KRT82: variants seen among roughly 807,000 people sequenced by gnomAD.
KRT82 encodes the protein keratin 82, also known as keratin, type II cuticular Hb2.
A neutral mutation model predicts 48.0 loss-of-function variants in KRT82; 44 were observed. The ratio of observed to expected loss-of-function variants is 0.92; its 90% CI spans 0.72 to 1.18. The LOEUF (loss-of-function observed/expected upper bound fraction) is 1.18. Ranked by LOEUF, KRT82 falls within the 50% of genes most tolerant of loss-of-function variation. The pLI, the probability that KRT82 is intolerant of heterozygous loss-of-function variation, is 0.00. For synonymous variants in KRT82, 297 were observed against 278.3 expected (o/e 1.07, Z -0.67); for missense variants, 701 against 671.4 (o/e 1.04, Z -0.49).
At position 52,405,971 on chromosome 12, in the gene KRT82, C is replaced by T. The variant is rs142612192; in HGVS notation, c.307G>A (p.Val103Ile). The T allele has an allele frequency of 6.2e-7, 1 of 1,614,120 alleles. No homozygotes were observed. The highest frequency in any genetic ancestry group is 8.5e-7 in the Non-Finnish European group (1 of 1,180,040). ...GGGTCTATCTCCAGTGCCAGTGGGACCAGCAGGCTCTCATTGATGGTGACA... is the reference window on the plus strand; with the variant it reads ...GGGTCTATCTCCAGTGCCAGTGGGATCAGCAGGCTCTCATTGATGGTGACA... ...TPVTINESLLVPLALEIDPTV... is the reference protein window; with the variant it reads ...TPVTINESLLIPLALEIDPTV... The change falls in exon 1 of 9, where the codon GTC becomes ATC. Residue 103 changes from valine (V) to isoleucine (I), a missense_variant. Transcript: ENST00000257974.
chr12:52,397,418 A>T (rs1045106457), intron 5 of KRT82, among the ~76,000 whole-genome samples: 3 of 152,172 alleles, frequency 2.0e-5, no homozygotes, highest in African/African-American at 7.2e-5. Flanking sequence ...GCCCATTAGG[A>T]TGGGTCTGCC....
Position 52,406,081 on chromosome 12 carries a change from C to G in KRT82, c.197G>C (p.Arg66Pro). Reference protein sequence around the residue: ...SLCNVGFGRPRVASRCGGTLP... With the variant: ...SLCNVGFGRPPVASRCGGTLP... ...GGTACCTCCACACCTGGAGGCTACC[C>G]GGGGCCTCCCAAAGCCCACGTTGCA... is the stretch of plus-strand genomic sequence containing the variant. The change falls in exon 1 of 9, where the codon CGG (arginine) becomes CCG (proline). Residue 66 changes from arginine to proline, a missense_variant. Arg to Pro is a moderately radical substitution (Grantham distance 103). Coordinates refer to ENST00000257974, the MANE Select transcript of KRT82 (RefSeq NM_033033.4). 1.9e-6 allele frequency: 3 copies of G among 1,613,562 alleles called. No homozygotes were observed. The highest frequency in any genetic ancestry group is 2.5e-6 in the Non-Finnish European group (3 of 1,179,860).
chr12:52,398,185 C>T (rs1939739068), intron 5 of KRT82, among the ~76,000 whole-genome samples: 1 of 152,220 alleles, frequency 6.6e-6, no homozygotes, highest in South Asian at 2.1e-4. Context: ...TCAATGAGAT[C>T]TATGACCATG....
At chr12:52,399,473 G>C (rs1939757556) in intron 5 of KRT82, among the ~76,000 whole-genome samples, 1 of 152,206 alleles carries the variant, frequency 6.6e-6, no homozygotes, top group African/African-American at 2.4e-5. Flanking sequence ...GAGAGGCTGA[G>C]ATGATGATAT....
chr12:52,395,409 A>G (rs1939699568), intron 8 of KRT82, among the ~76,000 whole-genome samples: 1 of 152,140 alleles, frequency 6.6e-6, no homozygotes, highest in Non-Finnish European at 1.5e-5. Context: ...GAGCCTGGGC[A>G]AGGCCAGGCT....
At chr12:52,401,004 C>A (rs1233348065) in intron 3 of KRT82, among the ~76,000 whole-genome samples, 1 of 152,216 alleles carries the variant, frequency 6.6e-6, no homozygotes. Context: ...TCTCCAGCTG[C>A]TCGGGCAGGG....
chr12:52,394,911 G>T lies in KRT82; in HGVS notation c.*64C>A. On this transcript the variant is annotated 3_prime_UTR_variant, in exon 9 of 9. Coordinates refer to ENST00000257974, the MANE Select transcript of KRT82 (RefSeq NM_033033.4). ...TTGGAACATCCTTGTCTTCAGCCCT[G>T]GTGGGAGTGTGACATCCAGGGCCAT... The T allele has an allele frequency of 7.3e-7, 1 of 1,370,622 alleles. No individual in the cohort carries two copies. Among genetic ancestry groups the T allele is most frequent in the Non-Finnish European group, 1.0e-6 (1 of 961,544 alleles). The allele number at this position is 1,370,622 out of a possible 1,614,324, so 84.9% of individuals were successfully genotyped here. A position where few individuals can be genotyped will look rare whatever the true frequency, so the allele number is the denominator to read the frequency against.
intron 5 of KRT82, among the ~76,000 whole-genome samples, chr12:52,398,525 C>CAA (rs1939743494): frequency 1.3e-5 from 2 of 150,220 alleles, no homozygotes; most frequent in South Asian, 4.2e-4. Flanking sequence ...TAGCCAAATG[C>CAA]AATCTTCAAC....
chr12:52,403,594 G>T (rs1228459177), intron 2 of KRT82, 107 bp downstream of exon 2: 2 of 751,170 alleles, frequency 2.7e-6, no homozygotes, highest in Admixed American at 4.4e-5. Context: ...CTGCCACCCA[G>T]TGAACTAAGT....
At chr12:52,404,219 GA>G (rs1386735724) in intron 1 of KRT82, among the ~76,000 whole-genome samples, 2 of 152,130 alleles carry the variant, frequency 1.3e-5, no homozygotes, top group African/African-American at 4.8e-5. Flanking sequence ...CTATCCTCGT[GA>G]CCTTGACCAA....
In KRT82 at chr12:52,406,079, C is replaced by G. The variant is rs1344384973; in HGVS notation, c.199G>C (p.Val67Leu). 2.5e-6 allele frequency: 4 copies of G among 1,613,578 alleles called. No individual in the cohort carries two copies. The highest frequency in any genetic ancestry group is 3.4e-6 in the Non-Finnish European group (4 of 1,179,870). Residue 67 changes from valine to leucine, a missense_variant, in exon 1 of 9, where the codon GTA (valine) becomes CTA (leucine). Val to Leu is a conservative substitution (Grantham distance 32, BLOSUM62 1). Coordinates refer to ENST00000257974, the MANE Select transcript of KRT82 (RefSeq NM_033033.4). ...LCNVGFGRPRVASRCGGTLPG... is the reference protein window; with the variant it reads ...LCNVGFGRPRLASRCGGTLPG... ...AGGGTACCTCCACACCTGGAGGCTA[C>G]CCGGGGCCTCCCAAAGCCCACGTTG...
rs1939853582 is a variant in KRT82, at chr12:52,406,197, C to A, written c.81G>T (p.Met27Ile). 6.8e-6 allele frequency: 11 copies of A among 1,613,552 alleles called. No homozygotes were observed. Among genetic ancestry groups the A allele is most frequent in the Non-Finnish European group, 9.3e-6 (11 of 1,179,898 alleles). Residue 27 changes from methionine to isoleucine, a missense_variant, in exon 1 of 9, where the codon ATG becomes ATT. By Grantham distance (10) the Met-to-Ile change is conservative. Transcript: ENST00000257974. ...FSSYSAVMPRMVTHYAVSKGP... is the reference protein window; with the variant it reads ...FSSYSAVMPRIVTHYAVSKGP... ...CCTTGCTCACTGCATAGTGGGTGAC[C>A]ATCCGGGGCATGACAGCCGAGTATG...
At chr12:52,404,588 C>T (rs980323498) in intron 1 of KRT82, among the ~76,000 whole-genome samples, 10 of 152,168 alleles carry the variant, frequency 6.6e-5, no homozygotes, top group African/African-American at 2.4e-4. Context: ...ACGTGGTCTC[C>T]AGCCCTTGCT....
Position 52,403,724 on chromosome 12 carries a change from A to G in KRT82, c.597T>C (p.Ala199=), listed in dbSNP as rs1407714931. Residue 199 remains alanine (A), a synonymous_variant, in exon 2 of 9, where the codon GCT becomes GCC. Transcript: ENST00000257974. ...RLESELCSLQ[A]ALEGYKKKYE... is the part of the protein sequence containing the mutation. ...ACTTTTTCTTGTAGCCCTCCAGTGCAGCCTGGAGGCTGCAGAGCTCTGACT... is the reference window on the plus strand; with the variant it reads ...ACTTTTTCTTGTAGCCCTCCAGTGCGGCCTGGAGGCTGCAGAGCTCTGACT... The G allele has an allele frequency of 1.9e-6, 3 of 1,611,302 alleles. No individual in the cohort carries two copies. Among genetic ancestry groups the G allele is most frequent in the Non-Finnish European group, 2.5e-6 (3 of 1,178,124 alleles).
intron 3 of KRT82, 49 bp downstream of exon 3, chr12:52,401,240 G>A: frequency 6.6e-7 from 1 of 1,517,938 alleles, no homozygotes; most frequent in Non-Finnish European, 9.1e-7. Context: ...GTGGCCTGGG[G>A]CAACGCAGGC....
rs199962515 is a variant in KRT82 at position 52,403,788 on chromosome 12, C to T, written c.533G>A (p.Arg178Gln). 55 of 1,613,494 alleles carry T rather than the reference C, an allele frequency of 3.4e-5. No individual in the cohort carries two copies. The highest frequency in any genetic ancestry group is 4.1e-5 in the Non-Finnish European group (48 of 1,180,008). ...IFEGYISALR[R>Q]QLDCVSGDRV... Reference sequence around the variant, plus strand: ...GTCCCCGGACACACAGTCCAGCTGCCGCCGAAGGGCGCTGATATAGCCCTC... The same window carrying T: ...GTCCCCGGACACACAGTCCAGCTGCTGCCGAAGGGCGCTGATATAGCCCTC... The change falls in exon 2 of 9, where the codon CGG becomes CAG. Residue 178 changes from arginine to glutamine, a missense_variant. Transcript: ENST00000257974.
Position 52,406,301 on chromosome 12 carries a change from TG to T in KRT82, c.-25del. 6.4e-7 allele frequency: 1 copy of T among 1,550,540 alleles called. No individual in the cohort carries two copies. Among genetic ancestry groups the T allele is most frequent in the East Asian group, 2.3e-5 (1 of 44,118 alleles). On this transcript the variant is annotated 5_prime_UTR_variant, in exon 1 of 9. Coordinates refer to ENST00000257974, the MANE Select transcript of KRT82 (RefSeq NM_033033.4). ...ATGGCAGGAGAGAGAGGCAGAGAAA[TG>T]CGGCCCTGGAGGAAAGAACCGGGGC...
rs1939779180 is a variant in KRT82, at chr12:52,400,770, C to G, written c.682-148G>C. ...GAGCCGAGGTGGGGAAAAAGGGGTC[C>G]CTAGCCCTGGGACCCCAGGCCTGGG... On this transcript the variant is annotated intron_variant, in intron 3 of 8. Transcript: ENST00000257974. 3 of 620,598 alleles carry G rather than the reference C, an allele frequency of 4.8e-6. No individual in the cohort carries two copies. In the East Asian group the frequency reaches 8.2e-5, roughly 17 times the overall value. The allele number at this position is 620,598 out of a possible 1,614,324, so 38.4% of individuals were successfully genotyped here.
chr12:52,397,555 A>C (rs2121471498), intron 5 of KRT82, among the ~76,000 whole-genome samples: 1 of 152,376 alleles, frequency 6.6e-6, no homozygotes. Flanking sequence ...ATTTCTGAAT[A>C]GTAGTGTGTA....
Sources: gnomAD v4.1 joint callset for allele counts (sites outside exome capture counted in the v4.1 genomes callset) on GRCh38, gnomAD v4.1.1 for gene constraint, MANE v1.5 for transcripts, NCBI Gene and HGNC (gene_info 2026-07-23, HGNC 2026-07-21) for gene names.